The following PRH1 variants were observed in gnomAD, a reference collection of about 807,000 sequenced individuals.
PRH1 encodes the protein salivary acidic proline-rich phosphoprotein 1/2.
In PRH1, 7 loss-of-function variants were observed where a neutral mutation model predicts 7.9. That is an observed-to-expected ratio of 0.89 (90% confidence interval 0.50 to 1.67). The LOEUF (loss-of-function observed/expected upper bound fraction) is 1.67, where lower values mean the gene tolerates loss of function less well. Among genes scored for constraint, PRH1 ranks in the 40% most tolerant of loss-of-function variants. The pLI, the probability that PRH1 is intolerant of heterozygous loss-of-function variation, is 0.00. For missense variants in PRH1, 109 were observed against 223.6 expected (o/e 0.49, Z 3.27); for synonymous variants, 45 against 80.8 (o/e 0.56, Z 2.38).
At chr12:10,971,823 G>A (rs568452871) in intron 2 of PRH1, among the ~76,000 whole-genome samples, 24 of 151,710 alleles carry the variant, frequency 1.6e-4, no homozygotes, top group African/African-American at 5.1e-4. Context: ...ATTTTAAAAC[G>A]TAACTTTAGT....
chr12:11,111,509 T>A (rs1402538609), intron 1 of PRH1, among the ~76,000 whole-genome samples: 1 of 152,112 alleles, frequency 6.6e-6, no homozygotes, highest in South Asian at 2.1e-4. Context: ...CACTCAGAAC[T>A]GCACAACTAC....
chr12:10,978,606 A>G (rs759452145), intron 1 of PRH1, among the ~76,000 whole-genome samples: 3 of 152,188 alleles, frequency 2.0e-5, no homozygotes, highest in Non-Finnish European at 4.4e-5. Context: ...GTTTCTGCAC[A>G]AGAAAAGAAA....
At chr12:10,917,247 C>T (rs946691416) in intron 2 of PRH1, among the ~76,000 whole-genome samples, 7 of 152,082 alleles carry the variant, frequency 4.6e-5, no homozygotes, top group Admixed American at 3.3e-4. Flanking sequence ...AAAATGTCCT[C>T]CTCTATACCT....
chr12:11,076,475 G>A (rs570822748), intron 1 of PRH1, among the ~76,000 whole-genome samples: 1 of 127,468 alleles, frequency 7.8e-6, no homozygotes, highest in Non-Finnish European at 1.8e-5. Flanking sequence ...TATTAGGAAT[G>A]GGAGACAAAG....
At chr12:10,921,827 T>A (rs1200183241) in intron 2 of PRH1, among the ~76,000 whole-genome samples, 2 of 152,184 alleles carry the variant, frequency 1.3e-5, no homozygotes, top group Admixed American at 1.3e-4. Flanking sequence ...AGTGCAGTGG[T>A]GCGATCTTGG....
intron 1 of PRH1, among the ~76,000 whole-genome samples, chr12:11,041,561 G>A (rs958967604): frequency 2.0e-5 from 3 of 152,054 alleles, no homozygotes; most frequent in Non-Finnish European, 4.4e-5. Context: ...TTTCAGCATT[G>A]GACAGATCCT....
At chr12:10,949,489 T>G (rs968370406) in intron 2 of PRH1, among the ~76,000 whole-genome samples, 2 of 152,218 alleles carry the variant, frequency 1.3e-5, no homozygotes, top group African/African-American at 4.8e-5. Context: ...AGATTATACC[T>G]TCTTTTAAAA....
chr12:11,117,441 C>A (rs1185733553), downstream of PRH1, among the ~76,000 whole-genome samples: 1 of 152,018 alleles, frequency 6.6e-6, no homozygotes, highest in Non-Finnish European at 1.5e-5. Flanking sequence ...AAAAGATAGT[C>A]CATGTTCATG....
At chr12:11,024,940 T>C (rs945911976) in intron 1 of PRH1, among the ~76,000 whole-genome samples, 1 of 152,170 alleles carries the variant, frequency 6.6e-6, no homozygotes, top group African/African-American at 2.4e-5. Context: ...TTATCAATTA[T>C]ACATTCAATC....
intron 1 of PRH1, among the ~76,000 whole-genome samples, chr12:11,064,877 C>A (rs1943746390): frequency 6.6e-6 from 1 of 151,970 alleles, no homozygotes; most frequent in African/African-American, 2.4e-5. Flanking sequence ...CTGTGCAACA[C>A]AGCGAAACTG....
chr12:11,081,738 T>C (rs372072170), intron 1 of PRH1, among the ~76,000 whole-genome samples: 27 of 103,816 alleles, frequency 2.6e-4, no homozygotes, highest in Non-Finnish European at 2.8e-4. Flanking sequence ...TTAATTTTCA[T>C]TTTGCTTATG....
chr12:11,031,521 A>ATTTTTC, intron 1 of PRH1: 1 of 605,996 alleles, frequency 1.7e-6, no homozygotes, highest in Admixed American at 3.8e-5. Flanking sequence ...GAGAAGAGAG[A>ATTTTTC]AAGGACAAAG....
At chr12:10,921,117 T>TA (rs1950039331) in intron 2 of PRH1, among the ~76,000 whole-genome samples, 1 of 152,078 alleles carries the variant, frequency 6.6e-6, no homozygotes, top group Non-Finnish European at 1.5e-5. Flanking sequence ...TTTGTGCCTG[T>TA]ATCTAATTGC....
intron 2 of PRH1, chr12:10,930,735 C>G: frequency 6.2e-7 from 1 of 1,613,756 alleles, no homozygotes; most frequent in Non-Finnish European, 8.5e-7. Context: ...AATCTCAACC[C>G]TCTGCTGGTG....
At chr12:11,140,864 T>C (rs1356316980) in intron 1 of PRH1, among the ~76,000 whole-genome samples, 1 of 152,098 alleles carries the variant, frequency 6.6e-6, no homozygotes, top group Non-Finnish European at 1.5e-5. Context: ...ATAGCTAGGA[T>C]CATCACCAAA....
intron 1 of PRH1, among the ~76,000 whole-genome samples, chr12:11,147,137 TAGAA>T (rs144336032): frequency 0.12 from 18,880 of 152,186 alleles, 1,262 homozygotes; most frequent in Non-Finnish European, 0.14. Flanking sequence ...TATATTAATC[TAGAA>T]AGAAATTATA....
intron 1 of PRH1, among the ~76,000 whole-genome samples, chr12:11,102,667 G>T (rs1331735273): frequency 1.3e-5 from 2 of 152,114 alleles, no homozygotes; most frequent in Admixed American, 6.6e-5. Flanking sequence ...AAAAGCAATG[G>T]CAACAAAAGC....
At chr12:10,931,276 T>C in intron 2 of PRH1, 1 of 1,181,038 alleles carries the variant, frequency 8.5e-7, no homozygotes, top group South Asian at 1.6e-5. Flanking sequence ...AATTCCAATT[T>C]TGAGAATCAC....
At chr12:11,065,409 T>C (rs1943764405) in intron 1 of PRH1, among the ~76,000 whole-genome samples, 1 of 152,176 alleles carries the variant, frequency 6.6e-6, no homozygotes, top group African/African-American at 2.4e-5. Flanking sequence ...TTCTCTCTTC[T>C]AATCTTCTGG....
Sources: allele counts gnomAD v4.1 joint callset (sites outside exome capture counted in the v4.1 genomes callset), GRCh38; gene constraint gnomAD v4.1.1; transcripts MANE v1.5; gene names NCBI Gene and HGNC (gene_info 2026-07-23, HGNC 2026-07-21).